The following ADAMTSL1 variants were observed in gnomAD, a reference collection of about 807,000 sequenced individuals.
ADAMTSL1 encodes the protein ADAMTS like 1.
ADAMTSL1 carries 126 observed loss-of-function variants against 201.8 expected under a neutral mutation model. That is an observed-to-expected ratio of 0.62 (90% CI 0.54 to 0.72). The LOEUF (loss-of-function observed/expected upper bound fraction) is 0.72, where lower values mean the gene tolerates loss of function less well. Ranked by LOEUF, ADAMTSL1 falls within the 30% of genes least tolerant of loss-of-function variation. The pLI is 0.00. For synonymous variants in ADAMTSL1, 1,121 were observed against 903.4 expected (o/e 1.24, Z -4.32); for missense variants, 2,679 against 2,277.8 (o/e 1.18, Z -3.59).
At chr9:18,505,380 G>T (rs1016993411) in intron 2 of ADAMTSL1, among the ~76,000 whole-genome samples, 1 of 152,196 alleles carries the variant, frequency 6.6e-6, no homozygotes, top group East Asian at 1.9e-4. Context: ...ATAACATATT[G>T]GTTTATTTTT....
intron 23 of ADAMTSL1, 91 bp downstream of exon 23, chr9:18,830,068 C>G: frequency 6.7e-7 from 1 of 1,489,212 alleles, no homozygotes; most frequent in Non-Finnish European, 9.0e-7. Flanking sequence ...AAGGAGGCAG[C>G]AGTCGGGGGT....
chr9:17,960,159 T>C (rs983385784), intron 1 of ADAMTSL1, among the ~76,000 whole-genome samples: 1 of 152,170 alleles, frequency 6.6e-6, no homozygotes. Flanking sequence ...TCCAGATGGC[T>C]GCTCTAGCTC....
chr9:18,119,643 G>A (rs536546670), intron 1 of ADAMTSL1, among the ~76,000 whole-genome samples: 1 of 152,148 alleles, frequency 6.6e-6, no homozygotes, highest in African/African-American at 2.4e-5. Flanking sequence ...CAGAGCAGGT[G>A]GAGGGCTGCT....
intron 13 of ADAMTSL1, among the ~76,000 whole-genome samples, chr9:18,697,964 T>C (rs1005996791): frequency 6.6e-6 from 1 of 152,228 alleles, no homozygotes; most frequent in Non-Finnish European, 1.5e-5. Flanking sequence ...ACCTTACTAG[T>C]TGTGTAACTT....
At chr9:18,714,538 T>C in intron 14 of ADAMTSL1, among the ~76,000 whole-genome samples, 1 of 66,608 alleles carries the variant, frequency 1.5e-5, no homozygotes, top group East Asian at 4.8e-4. Context: ...CTCCCAAGAC[T>C]AAACCAGGAA....
At chr9:18,020,207 G>T (rs1316975573) in intron 1 of ADAMTSL1, among the ~76,000 whole-genome samples, 2 of 152,016 alleles carry the variant, frequency 1.3e-5, no homozygotes, top group Non-Finnish European at 2.9e-5. Flanking sequence ...ATCATTGGGG[G>T]TTGGGGAGGG....
At chr9:18,895,066 G>A (rs1198334236) in intron 26 of ADAMTSL1, among the ~76,000 whole-genome samples, 1 of 152,188 alleles carries the variant, frequency 6.6e-6, no homozygotes, top group Non-Finnish European at 1.5e-5. Context: ...TTGACTGACA[G>A]GCAGTTACCT....
intron 1 of ADAMTSL1, among the ~76,000 whole-genome samples, chr9:18,092,959 G>T (rs1222610741): frequency 6.6e-6 from 1 of 152,142 alleles, no homozygotes; most frequent in Non-Finnish European, 1.5e-5. Flanking sequence ...CAAGGCTGTT[G>T]ACAGGGAAAA....
At position 18,593,917 on chromosome 9, in the gene ADAMTSL1, T is replaced by TA. The variant is rs532442153; in HGVS notation, c.474+19652dup. On this transcript the variant is annotated intron_variant, in intron 4 of 28. Coordinates refer to ENST00000380548, the MANE Select transcript of ADAMTSL1 (RefSeq NM_001040272.6). ...AATGAAATGTTCTATAAATATCTAT[T>TA]AGATCCATTTTGTCTTTAGTACAGA... Among the ~76,000 whole-genome samples, 539 of 152,310 alleles carry TA rather than the reference T, an allele frequency of 3.5e-3. 8 individuals are homozygous for TA. The highest frequency in any genetic ancestry group is 0.012 in the African/African-American group (513 of 41,590).
intron 1 of ADAMTSL1, among the ~76,000 whole-genome samples, chr9:18,000,082 T>C (rs1819551342): frequency 1.3e-5 from 2 of 150,320 alleles, no homozygotes; most frequent in Admixed American, 1.3e-4. Flanking sequence ...CATGTGTCTT[T>C]ATAGCAGCAT....
chr9:18,260,485 A>G (rs552423752), intron 2 of ADAMTSL1, among the ~76,000 whole-genome samples: 225 of 152,338 alleles, frequency 1.5e-3, no homozygotes, highest in Non-Finnish European at 2.2e-3. Flanking sequence ...CTTGTTGTCC[A>G]TTGTTGGGCT....
chr9:18,764,773 T>A (rs1440452898), intron 16 of ADAMTSL1, among the ~76,000 whole-genome samples: 1 of 152,244 alleles, frequency 6.6e-6, no homozygotes, highest in Non-Finnish European at 1.5e-5. Context: ...TTTATCTTCT[T>A]ACCATTGATA....
At chr9:18,073,543 T>C (rs1464142182) in intron 1 of ADAMTSL1, among the ~76,000 whole-genome samples, 1 of 152,138 alleles carries the variant, frequency 6.6e-6, no homozygotes, top group Non-Finnish European at 1.5e-5. Flanking sequence ...GTGGGGTCCA[T>C]TGTGTATGTG....
chr9:18,619,674 A>G (rs996177853), intron 4 of ADAMTSL1, among the ~76,000 whole-genome samples: 10 of 148,202 alleles, frequency 6.7e-5, no homozygotes, highest in Non-Finnish European at 1.0e-4. Context: ...CTTTAGACTT[A>G]GAGAGAGATT....
At chr9:18,043,182 C>A (rs547496069) in intron 1 of ADAMTSL1, among the ~76,000 whole-genome samples, 1 of 152,164 alleles carries the variant, frequency 6.6e-6, no homozygotes, top group Non-Finnish European at 1.5e-5. Flanking sequence ...CTGAGGACTG[C>A]AATATCTGAA....
At chr9:18,655,806 T>TAAAAAAAAAA (rs56662538) in intron 7 of ADAMTSL1, among the ~76,000 whole-genome samples, 857 of 81,816 alleles carry the variant, frequency 0.01, 104 homozygotes, top group African/African-American at 0.052. Context: ...TTTGTGAGCT[T>TAAAAAAAAAA]AAAAAAAAAA....
At chr9:18,626,869 G>C (rs13302220) in intron 5 of ADAMTSL1, among the ~76,000 whole-genome samples, 1 of 106,620 alleles carries the variant, frequency 9.4e-6, no homozygotes, top group Non-Finnish European at 2.0e-5. Flanking sequence ...CTTTCTTTCT[G>C]TCTTTCTTCC....
chr9:18,525,401 T>C (rs542893536), intron 2 of ADAMTSL1, among the ~76,000 whole-genome samples: 1 of 152,214 alleles, frequency 6.6e-6, no homozygotes. Context: ...AGCTCCTGGA[T>C]TCATTGATTT....
intron 23 of ADAMTSL1, among the ~76,000 whole-genome samples, chr9:18,837,658 A>G (rs1358184478): frequency 1.3e-5 from 2 of 152,190 alleles, no homozygotes; most frequent in African/African-American, 4.8e-5. Flanking sequence ...ATTTACAAAA[A>G]CCACGTGTTT....
Sources: allele counts gnomAD v4.1 joint callset (sites outside exome capture counted in the v4.1 genomes callset), GRCh38; gene constraint gnomAD v4.1.1; transcripts MANE v1.5; gene names NCBI Gene and HGNC (gene_info 2026-07-23, HGNC 2026-07-21).